SPTLC2: variants seen among roughly 807,000 people sequenced by gnomAD.
SPTLC2 encodes serine palmitoyltransferase 2.
In SPTLC2, 21 loss-of-function variants were observed where a neutral mutation model predicts 62.0. The observed-to-expected ratio is 0.34, with a 90% CI of 0.24 to 0.49. SPTLC2 has a LOEUF of 0.49. Ranked by LOEUF, SPTLC2 falls within the 20% of genes least tolerant of loss-of-function variation. The pLI, the probability that SPTLC2 is intolerant of heterozygous loss-of-function variation, is 0.99. For synonymous variants in SPTLC2, 261 were observed against 261.8 expected (o/e 1.00, Z 0.03); for missense variants, 511 against 713.0 (o/e 0.72, Z 3.23).
chr14:77,568,092 G>C (rs1009971927), intron 5 of SPTLC2, among the ~76,000 whole-genome samples: 1 of 152,064 alleles, frequency 6.6e-6, no homozygotes, highest in African/African-American at 2.4e-5. Context: ...CTGTATAAAC[G>C]TTTAATGCTA....
At chr14:77,537,663 T>C (rs7158568) in intron 9 of SPTLC2, among the ~76,000 whole-genome samples, 36,319 of 152,162 alleles carry the variant, frequency 0.24, 4,942 homozygotes, top group Middle Eastern at 0.38. Context: ...TGGAACTGGA[T>C]CCATGAGTTC....
intron 1 of SPTLC2, among the ~76,000 whole-genome samples, chr14:77,609,120 G>A (rs2079921377): frequency 6.6e-6 from 1 of 151,872 alleles, no homozygotes; most frequent in Admixed American, 6.6e-5. Context: ...TGTTATTAGT[G>A]ACAGGAGGCC....
intron 4 of SPTLC2, 78 bp from the exon 5 acceptor site, chr14:77,570,586 CATAGTAT>C (rs2079676134): frequency 1.3e-6 from 2 of 1,572,510 alleles, no homozygotes; most frequent in African/African-American, 1.3e-5. Context: ...TAAAAGAAAT[CATAGTAT>C]ATGTGTTGTG....
At chr14:77,556,234 A>G (rs1381643209) in intron 7 of SPTLC2, among the ~76,000 whole-genome samples, 1 of 152,088 alleles carries the variant, frequency 6.6e-6, no homozygotes, top group Non-Finnish European at 1.5e-5. Flanking sequence ...AAGGCAGGAG[A>G]ACCGGGAAGC....
intron 4 of SPTLC2, among the ~76,000 whole-genome samples, chr14:77,571,178 T>G (rs2140034760): frequency 6.6e-6 from 1 of 152,206 alleles, no homozygotes; most frequent in Middle Eastern, 3.4e-3. Context: ...AACCACTAAG[T>G]TTTGAGATGG....
rs565452298 is a variant in SPTLC2 at position 77,616,304 on chromosome 14, G to C, written c.132+144C>G. ...CTCCAGGCTCGTGGAGGTCGGGCCA[G>C]CGGCCGGACACTGCCGCCCACACCT... On this transcript the variant is annotated intron_variant, in intron 1 of 11. Coordinates refer to ENST00000216484, the MANE Select transcript of SPTLC2 (RefSeq NM_004863.4). The C allele has an allele frequency of 4.7e-4, 185 of 392,384 alleles. 1 individual carries two copies. Among genetic ancestry groups the C allele is most frequent in the African/African-American group, 3.6e-3 (168 of 46,904 alleles). 24.3% of individuals were successfully genotyped at this position (392,384 alleles called of 1,614,324 possible).
intron 9 of SPTLC2, among the ~76,000 whole-genome samples, chr14:77,542,610 C>T (rs903028682): frequency 2.6e-5 from 4 of 152,130 alleles, no homozygotes; most frequent in African/African-American, 4.8e-5. Flanking sequence ...AGTGCTCAGC[C>T]GGGGCCACTG....
chr14:77,570,252 T>G, intron 5 of SPTLC2, 132 bp downstream of exon 5: 1 of 1,226,352 alleles, frequency 8.2e-7, no homozygotes. Context: ...AAAAACAATT[T>G]GTGGTAGAAA....
At chr14:77,525,796 C>T (rs1250807692) in intron 9 of SPTLC2, among the ~76,000 whole-genome samples, 2 of 152,068 alleles carry the variant, frequency 1.3e-5, no homozygotes, top group African/African-American at 4.8e-5. Context: ...CGCCTGTAGT[C>T]CCAGCTACCT....
At chr14:77,594,258 T>C (rs1226881950) in intron 2 of SPTLC2, among the ~76,000 whole-genome samples, 2 of 152,230 alleles carry the variant, frequency 1.3e-5, no homozygotes, top group African/African-American at 4.8e-5. Context: ...AGAAACTACT[T>C]AAGAATAAAA....
chr14:77,582,202 G>A (rs766587323), intron 2 of SPTLC2, among the ~76,000 whole-genome samples: 19 of 151,988 alleles, frequency 1.3e-4, no homozygotes, highest in South Asian at 2.1e-4. Context: ...ACAAGTGCCC[G>A]CCACCACACC....
intron 9 of SPTLC2, among the ~76,000 whole-genome samples, chr14:77,540,918 T>C (rs2079497384): frequency 6.6e-6 from 1 of 152,238 alleles, no homozygotes; most frequent in Non-Finnish European, 1.5e-5. Flanking sequence ...AAATATGCCA[T>C]ATATAATCTG....
At chr14:77,565,085 A>C (rs12897408) in intron 5 of SPTLC2, among the ~76,000 whole-genome samples, 1 of 151,800 alleles carries the variant, frequency 6.6e-6, no homozygotes, top group Non-Finnish European at 1.5e-5. Context: ...ACTAAGAAAT[A>C]CAAAAAATTA....
intron 4 of SPTLC2, among the ~76,000 whole-genome samples, chr14:77,573,425 T>G (rs150027176): frequency 5.3e-5 from 8 of 152,166 alleles, no homozygotes; most frequent in African/African-American, 1.7e-4. Flanking sequence ...TCTATACATG[T>G]AACAACACAT....
rs1020064810 is a variant in SPTLC2, at chr14:77,507,676, T to G, written c.*4608A>C. 3.9e-5 allele frequency: 6 copies of G among 152,310 alleles called. No individual in the cohort carries two copies. The highest frequency in any genetic ancestry group is 1.2e-4 in the African/African-American group (5 of 41,570). 9.4% of individuals were successfully genotyped at this position (152,310 alleles called of 1,614,324 possible). On this transcript the variant is annotated 3_prime_UTR_variant, in exon 12 of 12. Transcript: ENST00000216484. ...ATAAAGTTGAGGCGAGAAAAAGACA[T>G]GTTTTTCTCCACATGGAAGGTATTT...
chr14:77,590,660 C>T (rs1201738626), intron 2 of SPTLC2, among the ~76,000 whole-genome samples: 2 of 151,944 alleles, frequency 1.3e-5, no homozygotes, highest in Non-Finnish European at 2.9e-5. Context: ...TGCAGTAAGC[C>T]GAGATCGCGC....
chr14:77,520,363 T>C (rs1164921218), intron 10 of SPTLC2, among the ~76,000 whole-genome samples: 1 of 152,250 alleles, frequency 6.6e-6, no homozygotes, highest in Admixed American at 6.5e-5. Context: ...ATCACATTAC[T>C]TCCAGGTTCC....
rs559315011 is a variant in SPTLC2 at position 77,601,720 on chromosome 14, T to C, written c.133-4340A>G. Among the ~76,000 whole-genome samples, 3 of 152,346 alleles carry C rather than the reference T, an allele frequency of 2.0e-5. No individual in the cohort carries two copies. In the East Asian group the frequency reaches 5.8e-4, roughly 29 times the overall value. ...AACATCTCACCGATTTTAAATCGGG[T>C]AAGCGGCCTCTTTTTACTCTTTTCT... On this transcript the variant is annotated intron_variant, in intron 1 of 11. Coordinates refer to ENST00000216484, the MANE Select transcript of SPTLC2 (RefSeq NM_004863.4).
At chr14:77,541,201 GTATTT>G (rs1414785003) in intron 9 of SPTLC2, among the ~76,000 whole-genome samples, 3 of 147,096 alleles carry the variant, frequency 2.0e-5, no homozygotes, top group South Asian at 2.2e-4. Flanking sequence ...GGTAATTTTT[GTATTT>G]TATTTTATTT....
Sources: allele counts gnomAD v4.1 joint callset (sites outside exome capture counted in the v4.1 genomes callset), GRCh38; gene constraint gnomAD v4.1.1; transcripts MANE v1.5; gene names NCBI Gene and HGNC (gene_info 2026-07-23, HGNC 2026-07-21).